EXT2: variants seen among roughly 807,000 people sequenced by gnomAD.
EXT2 encodes exostosin glycosyltransferase 2.
EXT2 carries 53 observed loss-of-function variants against 81.6 expected under a neutral mutation model. That is an observed-to-expected ratio of 0.65 (90% confidence interval 0.52 to 0.82). The LOEUF is 0.82. EXT2 is among the 40% of genes least tolerant of loss of function. EXT2 has a pLI of 0.00. For synonymous variants in EXT2, 320 were observed against 340.0 expected (o/e 0.94, Z 0.65); for missense variants, 774 against 910.2 (o/e 0.85, Z 1.93).
rs951169291 is a variant in EXT2, at chr11:44,248,946, C to A, written c.*4659C>A. On this transcript the variant is annotated 3_prime_UTR_variant, in exon 14 of 14. Transcript: ENST00000533608. ...CTGGCATTTTGTTTCTTCACATTTG[C>A]AACCATTTCAGGGTAGAGTTTTTTT... Among the ~76,000 whole-genome samples, 17 of 152,016 alleles carry A rather than the reference C, an allele frequency of 1.1e-4. No homozygotes were observed. The highest frequency in any genetic ancestry group is 1.0e-3 in the Admixed American group (16 of 15,256).
At chr11:44,138,422 C>G (rs953140415) in intron 7 of EXT2, among the ~76,000 whole-genome samples, 1 of 152,130 alleles carries the variant, frequency 6.6e-6, no homozygotes, top group African/African-American at 2.4e-5. Flanking sequence ...GCAGCTGGAA[C>G]CTAGGTCTCC....
rs763536229 is a variant in EXT2, at chr11:44,107,951, G to C, written c.239G>C (p.Arg80Pro). The C allele has an allele frequency of 8.7e-6, 14 of 1,614,064 alleles. No homozygotes were observed. Among genetic ancestry groups the C allele is most frequent in the Admixed American group, 8.3e-5 (5 of 60,000 alleles). The change falls in exon 2 of 14, where the codon CGG becomes CCG. Residue 80 changes from arginine (R) to proline (P), a missense_variant. Physicochemically the swap from Arg to Pro is moderately radical, Grantham distance 103. Coordinates refer to ENST00000533608, the MANE Select transcript of EXT2 (RefSeq NM_207122.2). The stretch of plus-strand genomic sequence containing the variant: ...CCAGCCGACAGTCCCATCCCAGAGC[G>C]GGGGGATCTCAGTTGCAGAATGCAC... ...RLPADSPIPE[R>P]GDLSCRMHTC...
In EXT2 at chr11:44,197,999, G is replaced by T. The variant is rs371264133; in HGVS notation, c.1476G>T (p.Gln492His). The T allele has an allele frequency of 3.1e-6, 5 of 1,613,924 alleles. No homozygotes were observed. Among genetic ancestry groups the T allele is most frequent in the Non-Finnish European group, 4.2e-6 (5 of 1,179,978 alleles). ...LSKLLVVWNN[Q>H]NKNPPEDSLW... The stretch of plus-strand genomic sequence containing the variant: ...AACTACTTGTCGTCTGGAATAATCA[G>T]AATAAAAACCCTCCAGAAGGTAAGA... Residue 492 changes from glutamine to histidine, a missense_variant, in exon 9 of 14, where the codon CAG becomes CAT. By Grantham distance (24) the Gln-to-His change is conservative (BLOSUM62 0). Around this residue, in one of 2 missense-constraint regions of EXT2, gnomAD observed 626 missense variants for 670.5 expected, o/e 0.93. Transcript: ENST00000533608.
chr11:44,211,890 C>T (rs1038885846), intron 10 of EXT2, among the ~76,000 whole-genome samples: 22 of 152,052 alleles, frequency 1.4e-4, no homozygotes, highest in Admixed American at 6.5e-5. Context: ...ACAATTATTA[C>T]TTGTCAATAA....
chr11:44,120,089 C>A (rs1954294779), intron 4 of EXT2, among the ~76,000 whole-genome samples: 1 of 152,150 alleles, frequency 6.6e-6, no homozygotes, highest in African/African-American at 2.4e-5. Context: ...AGGAGAAAAA[C>A]CACTCCAAAC....
chr11:44,163,186 A>C (rs1328317834), intron 7 of EXT2, among the ~76,000 whole-genome samples: 2 of 152,088 alleles, frequency 1.3e-5, no homozygotes, highest in African/African-American at 4.8e-5. Flanking sequence ...TTTTGCTGAT[A>C]TTTTTTTCCC....
intron 8 of EXT2, among the ~76,000 whole-genome samples, chr11:44,192,370 T>C (rs750741407): frequency 6.6e-6 from 1 of 152,102 alleles, no homozygotes; most frequent in Admixed American, 6.5e-5. Context: ...GTGTTTTTAC[T>C]GTGCTGTCTT....
Position 44,099,141 on chromosome 11 carries a change from G to A in EXT2, c.-31+3289G>A, listed in dbSNP as rs140845109. Among the ~76,000 whole-genome samples, 42 of 151,878 alleles carry A rather than the reference G, an allele frequency of 2.8e-4. 2 individuals are homozygous for A. The East Asian group carries it at 7.3e-3, about 26-fold the overall frequency. On this transcript the variant is annotated intron_variant, in intron 1 of 13. Transcript: ENST00000533608. Reference sequence around the variant, plus strand: ...CTCAGCCTCCCAAGTAGCTGGGAGTGTAGTCGTGCACCACCACACCTGGCT... The same window carrying A: ...CTCAGCCTCCCAAGTAGCTGGGAGTATAGTCGTGCACCACCACACCTGGCT...
chr11:44,173,276 A>G (rs1955103299), intron 8 of EXT2, among the ~76,000 whole-genome samples: 1 of 152,162 alleles, frequency 6.6e-6, no homozygotes, highest in Admixed American at 6.5e-5. Flanking sequence ...GTTTTGCTTG[A>G]GGTGAAGTTT....
rs74371123 is a variant in EXT2, at chr11:44,098,839, C to A, written c.-31+2987C>A. Reference sequence around the variant, plus strand: ...ATGGAAATATCTAGCCATTCCCCCTCCTCCTTTGGAAATTCCTTCCTATTT... The same window carrying A: ...ATGGAAATATCTAGCCATTCCCCCTACTCCTTTGGAAATTCCTTCCTATTT... On this transcript the variant is annotated intron_variant, in intron 1 of 13. Coordinates refer to ENST00000533608, the MANE Select transcript of EXT2 (RefSeq NM_207122.2). 4.3e-3 allele frequency among the ~76,000 whole-genome samples: 657 copies of A among 152,200 alleles called. 6 individuals are homozygous for A. The highest frequency in any genetic ancestry group is 0.015 in the African/African-American group (629 of 41,532).
chr11:44,102,440 G>C (rs913177486), intron 1 of EXT2, among the ~76,000 whole-genome samples: 1 of 151,078 alleles, frequency 6.6e-6, no homozygotes, highest in Non-Finnish European at 1.5e-5. Flanking sequence ...GCTTTGCCCT[G>C]TTGCCTGTCT....
At chr11:44,214,405 T>C (rs1381635548) in intron 10 of EXT2, among the ~76,000 whole-genome samples, 3 of 152,276 alleles carry the variant, frequency 2.0e-5, no homozygotes, top group South Asian at 2.1e-4. Flanking sequence ...TGAGCCACCA[T>C]GCCCGGCCGT....
intron 9 of EXT2, among the ~76,000 whole-genome samples, chr11:44,199,627 C>T (rs910279872): frequency 5.9e-5 from 9 of 152,264 alleles, no homozygotes; most frequent in Admixed American, 5.2e-4. Flanking sequence ...CTCCTTATTA[C>T]TCCTGGTTAG....
chr11:44,107,583 C>T, intron 1 of EXT2, 100 bp from the exon 2 acceptor site: 1 of 1,161,842 alleles, frequency 8.6e-7, no homozygotes, highest in Non-Finnish European at 1.2e-6. Context: ...AACCCTGTCT[C>T]AAAACAAAAC....
chr11:44,130,395 G>A (rs1378674286), intron 7 of EXT2, among the ~76,000 whole-genome samples: 1 of 152,222 alleles, frequency 6.6e-6, no homozygotes, highest in Non-Finnish European at 1.5e-5. Context: ...CAAAGCTGAA[G>A]CTCTTTGGAG....
At chr11:44,170,730 A>C (rs1955058855) in intron 7 of EXT2, among the ~76,000 whole-genome samples, 1 of 152,086 alleles carries the variant, frequency 6.6e-6, no homozygotes, top group Admixed American at 6.6e-5. Context: ...ACTGTTTATG[A>C]AACTGATATA....
chr11:44,195,264 G>T lies in EXT2; in HGVS notation c.1306-2565G>T, dbSNP rs1350269953. On this transcript the variant is annotated intron_variant, in intron 8 of 13. Transcript: ENST00000533608. The stretch of plus-strand genomic sequence containing the variant: ...AATCTTACCAACATGGAGAAACCCG[G>T]TCTCTACTAAAAATACAAAATTAGC... 2.6e-5 allele frequency among the ~76,000 whole-genome samples: 4 copies of T among 151,870 alleles called. No homozygotes were observed. In the East Asian group the frequency reaches 7.8e-4, roughly 29 times the overall value.
intron 7 of EXT2, among the ~76,000 whole-genome samples, chr11:44,169,435 A>G (rs750705859): frequency 3.3e-5 from 5 of 152,070 alleles, no homozygotes; most frequent in Non-Finnish European, 5.9e-5. Flanking sequence ...ACAAAAGACT[A>G]AATAACTAGC....
In EXT2 at chr11:44,124,859, C is replaced by T. The variant is rs752001201; in HGVS notation, c.814C>T (p.Leu272Phe). ...TGAGTACAGAGAGGACCTAGAAGCC[C>T]TCCAGGTCAAACATGGAGAGTCAGT... ...HPEYREDLEA[L>F]QVKHGESVLV... The change falls in exon 5 of 14, where the codon CTC becomes TTC. Residue 272 changes from leucine (L) to phenylalanine (F), a missense_variant. Leu to Phe is a conservative substitution (Grantham distance 22). Transcript: ENST00000533608. The T allele has an allele frequency of 6.2e-7, 1 of 1,614,104 alleles. No individual in the cohort carries two copies.
Sources: gnomAD v4.1 joint callset for allele counts (sites outside exome capture counted in the v4.1 genomes callset) on GRCh38, gnomAD v4.1.1 for gene constraint, gnomAD v4.1.1 regional missense constraint, MANE v1.5 for transcripts, NCBI Gene and HGNC (gene_info 2026-07-23, HGNC 2026-07-21) for gene names.